PTGR2: variants seen among roughly 807,000 people sequenced by gnomAD.
PTGR2 encodes the protein prostaglandin reductase 2.
In PTGR2, 32 loss-of-function variants were observed where a neutral mutation model predicts 43.4. That is an observed-to-expected ratio of 0.74 (90% CI 0.56 to 0.99). The LOEUF (loss-of-function observed/expected upper bound fraction) is 0.99, where lower values mean the gene tolerates loss of function less well. PTGR2 is among the 50% of genes least tolerant of loss of function. The probability of loss-of-function intolerance (pLI) is 0.00; values close to 1 mark genes in which losing one functional copy is unlikely to be tolerated. For synonymous variants in PTGR2, 106 were observed against 139.2 expected (o/e 0.76, Z 1.68); for missense variants, 373 against 420.0 (o/e 0.89, Z 0.98).
intron 5 of PTGR2, chr14:73,878,612 T>G (rs2054915629): frequency 4.3e-6 from 2 of 463,544 alleles, no homozygotes; most frequent in African/African-American, 4.1e-5. Context: ...AGCCACCGTA[T>G]GTGGCTGAAC....
At chr14:73,868,130 TA>T (rs1167260032) in intron 3 of PTGR2, among the ~76,000 whole-genome samples, 1 of 151,954 alleles carries the variant, frequency 6.6e-6, no homozygotes, top group Non-Finnish European at 1.5e-5. Flanking sequence ...CTACTAAAAA[TA>T]CAAAAAAATT....
chr14:73,858,723 C>T, intron 1 of PTGR2, 93 bp from the exon 2 acceptor site: 1 of 515,658 alleles, frequency 1.9e-6, no homozygotes, highest in Non-Finnish European at 3.3e-6. Flanking sequence ...GATTTTTCTC[C>T]CTCTTCATTG....
chr14:73,858,982 A>C, intron 2 of PTGR2, 83 bp downstream of exon 2: 1 of 1,089,434 alleles, frequency 9.2e-7, no homozygotes, highest in Non-Finnish European at 1.4e-6. Flanking sequence ...TGTGATGTTC[A>C]TGTGGTAAAT....
At chr14:73,880,999 C>G (rs1308055869) in intron 7 of PTGR2, among the ~76,000 whole-genome samples, 1 of 152,100 alleles carries the variant, frequency 6.6e-6, no homozygotes, top group African/African-American at 2.4e-5. Context: ...GGGGTTTCAC[C>G]GTGTTGGCCA....
At chr14:73,873,126 G>A (rs1324938210) in intron 3 of PTGR2, among the ~76,000 whole-genome samples, 1 of 151,942 alleles carries the variant, frequency 6.6e-6, no homozygotes. Flanking sequence ...TGACCAACAT[G>A]GAGAAACCAC....
intron 7 of PTGR2, 149 bp downstream of exon 7, chr14:73,880,325 C>T: frequency 1.1e-6 from 1 of 901,564 alleles, no homozygotes; most frequent in Non-Finnish European, 1.7e-6. Flanking sequence ...GTAATCCTAG[C>T]ACTTTGGGAT....
intron 3 of PTGR2, among the ~76,000 whole-genome samples, chr14:73,867,336 C>T (rs1367325221): frequency 6.6e-6 from 1 of 151,958 alleles, no homozygotes; most frequent in East Asian, 1.9e-4. Flanking sequence ...GCCTCTCTAA[C>T]TGCATGAGCC....
At chr14:73,875,690 A>C (rs897745932) in intron 4 of PTGR2, among the ~76,000 whole-genome samples, 2 of 149,504 alleles carry the variant, frequency 1.3e-5, no homozygotes, top group African/African-American at 4.9e-5. Flanking sequence ...TTGCTCAGAG[A>C]CTTAAAGATC....
intron 3 of PTGR2, among the ~76,000 whole-genome samples, chr14:73,863,127 T>C (rs1212218712): frequency 1.3e-5 from 2 of 152,322 alleles, no homozygotes; most frequent in African/African-American, 4.8e-5. Context: ...GTCATTACAA[T>C]CAGTTTTACA....
intron 8 of PTGR2, among the ~76,000 whole-genome samples, 188 bp downstream of exon 8, chr14:73,881,480 T>G (rs1595373044): frequency 1.3e-5 from 2 of 152,202 alleles, no homozygotes; most frequent in South Asian, 2.1e-4. Flanking sequence ...AAACCCTTGC[T>G]TGTTATTCCC....
At chr14:73,860,316 A>T (rs1274992796) in intron 2 of PTGR2, among the ~76,000 whole-genome samples, 2 of 151,850 alleles carry the variant, frequency 1.3e-5, no homozygotes, top group African/African-American at 4.8e-5. Context: ...AAATATTAAA[A>T]AGTAGCCGGG....
chr14:73,870,045 G>A (rs1484755624), intron 3 of PTGR2, among the ~76,000 whole-genome samples: 1 of 150,764 alleles, frequency 6.6e-6, no homozygotes, highest in South Asian at 2.1e-4. Flanking sequence ...AAAAAAAAAA[G>A]AATCAGCTGG....
chr14:73,881,217 G>A lies in PTGR2; in HGVS notation c.864G>A (p.Leu288=). ...KERNITRERF[L]VLNYKDKFEP... is the part of the protein sequence containing the mutation. ...TTCCTCACTGCAGGGAAAGATTTCT[G>A]GTATTAAATTATAAAGACAAATTTG... Residue 288 remains leucine, a synonymous_variant, in exon 8 of 10, where the codon CTG becomes CTA. Transcript: ENST00000555661. 1 of 1,601,088 alleles carries A rather than the reference G, an allele frequency of 6.2e-7. No homozygotes were observed. Among genetic ancestry groups the A allele is most frequent in the Non-Finnish European group, 8.6e-7 (1 of 1,168,590 alleles).
intron 1 of PTGR2, among the ~76,000 whole-genome samples, chr14:73,856,082 A>C (rs559887847): frequency 6.6e-6 from 1 of 151,674 alleles, no homozygotes; most frequent in East Asian, 2.0e-4. Context: ...AATTTAGTGT[A>C]GTCTAAGTGC....
At position 73,884,173 on chromosome 14, in the gene PTGR2, T is replaced by G. The variant is rs543213818; in HGVS notation, c.1052T>G (p.Leu351Trp). 1.3e-6 allele frequency: 2 copies of G among 1,561,528 alleles called. No homozygotes were observed. The highest frequency in any genetic ancestry group is 4.5e-5 in the East Asian group (2 of 44,454). ...QIVCISEEISL is the reference protein window; with the variant it reads ...QIVCISEEISW ...GTTTGCATTTCAGAAGAAATCTCTT[T>G]GTAATTGCTGTAAATGTCATCAAGG... Residue 351 changes from leucine to tryptophan, a missense_variant, in exon 10 of 10, where the codon TTG becomes TGG. Transcript: ENST00000555661.
rs577877629 is a variant in PTGR2, at chr14:73,873,408, G to A, written c.157-615G>A. On this transcript the variant is annotated intron_variant, in intron 3 of 9. Coordinates refer to ENST00000555661, the MANE Select transcript of PTGR2 (RefSeq NM_001146154.2). ...GGATTATATCACATACTTATTGTTTGTGGTGAGAACACTTAGAATCTACCC... is the reference window on the plus strand; with the variant it reads ...GGATTATATCACATACTTATTGTTTATGGTGAGAACACTTAGAATCTACCC... 3.3e-4 allele frequency among the ~76,000 whole-genome samples: 50 copies of A among 152,160 alleles called. No individual in the cohort carries two copies. The South Asian group carries it at 0.01, about 31-fold the overall frequency.
At chr14:73,880,351 T>C in intron 7 of PTGR2, 175 bp downstream of exon 7, 2 of 645,290 alleles carry the variant, frequency 3.1e-6, no homozygotes, top group Non-Finnish European at 5.3e-6. Context: ...GACGGGTGGA[T>C]TGCTTGAGGC....
At chr14:73,855,834 G>T (rs571098085) in intron 1 of PTGR2, among the ~76,000 whole-genome samples, 12 of 149,118 alleles carry the variant, frequency 8.0e-5, no homozygotes, top group Non-Finnish European at 1.6e-4. Flanking sequence ...GAGGCGGGTG[G>T]ATCATGAGGT....
At chr14:73,856,205 A>G (rs1379756558) in intron 1 of PTGR2, among the ~76,000 whole-genome samples, 2 of 152,036 alleles carry the variant, frequency 1.3e-5, no homozygotes, top group Non-Finnish European at 2.9e-5. Context: ...GGCTCCATTC[A>G]TGGTAAGTTA....
Sources: gnomAD v4.1 joint callset for allele counts (sites outside exome capture counted in the v4.1 genomes callset) on GRCh38, gnomAD v4.1.1 for gene constraint, MANE v1.5 for transcripts, NCBI Gene and HGNC (gene_info 2026-07-23, HGNC 2026-07-21) for gene names.